BLTP1: variants seen among roughly 807,000 people sequenced by gnomAD.
BLTP1 encodes the protein bridge-like lipid transfer protein family member 1.
At chr4:122,281,433 A>C in the BLTP1 span, 1 of 1,403,224 alleles carries the variant, frequency 7.1e-7, no homozygotes, top group Non-Finnish European at 9.3e-7. Context: ...ACATCTATTC[A>C]CAGTATATAT....
chr4:122,257,840 AT>A, the BLTP1 span, among the ~76,000 whole-genome samples: 1 of 152,190 alleles, frequency 6.6e-6, no homozygotes, highest in Non-Finnish European at 1.5e-5. Context: ...TACTGACCTG[AT>A]TTTATAAGTT....
chr4:122,351,291 A>T, the BLTP1 span: 5 of 897,778 alleles, frequency 5.6e-6, no homozygotes, highest in African/African-American at 7.2e-5. Context: ...AAACCATCAC[A>T]TTCCACTCAG....
At chr4:122,240,257 C>T in the BLTP1 span, 2 of 1,613,988 alleles carry the variant, frequency 1.2e-6, no homozygotes, top group African/African-American at 1.3e-5. Flanking sequence ...ACAAAAGAAC[C>T]TCTAAATCCT....
At chr4:122,160,840 G>A in the BLTP1 span, among the ~76,000 whole-genome samples, 2 of 152,162 alleles carry the variant, frequency 1.3e-5, no homozygotes, top group Non-Finnish European at 2.9e-5. Flanking sequence ...AATTGTTAAG[G>A]AGGAGATAAA....
the BLTP1 span, chr4:122,243,692 A>C: frequency 5.4e-6 from 3 of 559,050 alleles, no homozygotes; most frequent in Non-Finnish European, 4.5e-6. Context: ...ACTCCAGCCT[A>C]GGTGACAGAG....
chr4:122,162,664 C>G, the BLTP1 span: 1 of 979,014 alleles, frequency 1.0e-6, no homozygotes, highest in African/African-American at 1.8e-5. Context: ...GTTATTAACA[C>G]AAATTAAATG....
chr4:122,194,425 C>A, the BLTP1 span: 1 of 432,024 alleles, frequency 2.3e-6, no homozygotes, highest in Non-Finnish European at 3.1e-6. Context: ...ATACTTTTCA[C>A]ATTATTGGAT....
the BLTP1 span, chr4:122,187,403 T>A: frequency 1.9e-6 from 3 of 1,609,062 alleles, no homozygotes; most frequent in Non-Finnish European, 2.5e-6. Flanking sequence ...GTTTTCTTAT[T>A]CATGTCAGTT....
the BLTP1 span, chr4:122,164,511 C>A: frequency 1.5e-6 from 1 of 686,162 alleles, no homozygotes; most frequent in Non-Finnish European, 1.8e-6. Context: ...AGACTGTGTT[C>A]TATTAAGAGG....
At chr4:122,361,376 G>A in the BLTP1 span, among the ~76,000 whole-genome samples, 2 of 152,136 alleles carry the variant, frequency 1.3e-5, no homozygotes, top group Admixed American at 6.5e-5. Flanking sequence ...GCAGCTCTAT[G>A]TATGTACTCA....
At chr4:122,274,395 G>T in the BLTP1 span, 36 of 1,605,118 alleles carry the variant, frequency 2.2e-5, 1 homozygote, top group South Asian at 3.8e-4. Context: ...ATATTGGTGG[G>T]GTTAATATTG....
At chr4:122,296,112 A>G in the BLTP1 span, among the ~76,000 whole-genome samples, 1 of 152,134 alleles carries the variant, frequency 6.6e-6, no homozygotes, top group Non-Finnish European at 1.5e-5. Flanking sequence ...AAGAAAGTGT[A>G]TACAAATAGG....
At chr4:122,188,309 T>A in the BLTP1 span, 1 of 525,794 alleles carries the variant, frequency 1.9e-6, no homozygotes, top group Non-Finnish European at 2.4e-6. Flanking sequence ...TGATTATAAC[T>A]ATAATTTTTT....
the BLTP1 span, among the ~76,000 whole-genome samples, chr4:122,163,016 CAT>C: frequency 3.6e-4 from 55 of 152,276 alleles, no homozygotes; most frequent in African/African-American, 1.2e-3. Context: ...CGCCTTCAGT[CAT>C]ATGGTTTCAT....
the BLTP1 span, chr4:122,353,936 A>T: frequency 6.2e-7 from 1 of 1,613,820 alleles, no homozygotes; most frequent in Non-Finnish European, 8.5e-7. This position sits in a 1 kb window ranked among gnomAD's most constrained non-coding sequence, Gnocchi z 4.3. Context: ...CAAGATAACA[A>T]GGCGTCGCCA....
the BLTP1 span, among the ~76,000 whole-genome samples, chr4:122,299,467 C>T: frequency 1.3e-5 from 2 of 152,046 alleles, no homozygotes; most frequent in East Asian, 1.9e-4. Flanking sequence ...AAAGCAGAGA[C>T]AGTAGTAGTT....
At chr4:122,174,370 C>T in the BLTP1 span, 1 of 977,712 alleles carries the variant, frequency 1.0e-6, no homozygotes. Flanking sequence ...TAGTAGCTTA[C>T]TTCATAGTGA....
chr4:122,167,866 A>G, the BLTP1 span: 2 of 985,330 alleles, frequency 2.0e-6, no homozygotes, highest in South Asian at 9.4e-5. Flanking sequence ...GTAGAGGAAG[A>G]GGAAACAACC....
the BLTP1 span, chr4:122,346,611 T>C: frequency 6.2e-7 from 1 of 1,609,792 alleles, no homozygotes; most frequent in Admixed American, 1.7e-5. Flanking sequence ...ACAAATGTTA[T>C]TTATGTATCA....
Sources: gnomAD v4.1 joint callset for allele counts (sites outside exome capture counted in the v4.1 genomes callset) on GRCh38, gnomAD v4.1.1 for gene constraint, Gnocchi (gnomAD v3.1) non-coding constraint, MANE v1.5 for transcripts, NCBI Gene and HGNC (gene_info 2026-07-23, HGNC 2026-07-21) for gene names.